Variants in ELP4 observed in about 807,000 individuals in gnomAD.
The protein encoded by ELP4 is elongator complex protein 4.
In ELP4, 51 loss-of-function variants were observed where a neutral mutation model predicts 48.9. The ratio of observed to expected loss-of-function variants is 1.04; its 90% confidence interval spans 0.83 to 1.32. The LOEUF is 1.32. Ranked by LOEUF, ELP4 falls within the 40% of genes most tolerant of loss-of-function variation. ELP4 has a pLI of 0.00. For missense variants in ELP4, 519 were observed against 514.6 expected (o/e 1.01, Z -0.08); for synonymous variants, 210 against 189.2 (o/e 1.11, Z -0.90).
chr11:31,558,826 T>TG (rs1418873138), intron 3 of ELP4, among the ~76,000 whole-genome samples: 1 of 152,178 alleles, frequency 6.6e-6, no homozygotes, highest in African/African-American at 2.4e-5. Flanking sequence ...ATGATTATTG[T>TG]TATGTTCAAA....
intron 9 of ELP4, among the ~76,000 whole-genome samples, chr11:31,747,571 T>A (rs1407530908): frequency 6.6e-6 from 1 of 152,216 alleles, no homozygotes; most frequent in Non-Finnish European, 1.5e-5. Context: ...TATATAAAAT[T>A]CACTTTGGGC....
intron 3 of ELP4, among the ~76,000 whole-genome samples, chr11:31,593,875 TATATC>T (rs1957629484): frequency 6.6e-6 from 1 of 152,174 alleles, no homozygotes. Context: ...GTGAGTAAAA[TATATC>T]ATATTAACAG....
At chr11:31,555,534 T>C (rs1245472266) in intron 3 of ELP4, among the ~76,000 whole-genome samples, 2 of 151,920 alleles carry the variant, frequency 1.3e-5, no homozygotes, top group African/African-American at 4.8e-5. Flanking sequence ...AAGAATAATA[T>C]GCCATTCTCA....
At chr11:31,698,996 C>T (rs901675749) in intron 9 of ELP4, among the ~76,000 whole-genome samples, 1 of 152,122 alleles carries the variant, frequency 6.6e-6, no homozygotes, top group South Asian at 2.1e-4. Context: ...CATGATTATA[C>T]ACCATGCACA....
intron 3 of ELP4, among the ~76,000 whole-genome samples, chr11:31,570,440 T>C (rs1489364974): frequency 6.6e-6 from 1 of 151,482 alleles, no homozygotes; most frequent in African/African-American, 2.4e-5. Context: ...CAATTGTACT[T>C]CAGACCCCAG....
chr11:31,717,522 G>C (rs1429389199), intron 9 of ELP4, among the ~76,000 whole-genome samples: 1 of 152,182 alleles, frequency 6.6e-6, no homozygotes, highest in Non-Finnish European at 1.5e-5. Flanking sequence ...TTGGGAGGCT[G>C]AAGTGGGCGG....
rs927200376 is a variant in ELP4, at chr11:31,751,539, GA to G, written c.1144-31847del. Among the ~76,000 whole-genome samples the G allele has an allele frequency of 2.0e-5, 3 of 151,844 alleles. No individual in the cohort carries two copies. In the East Asian group the frequency reaches 5.8e-4, roughly 29 times the overall value. Reference sequence around the variant, plus strand: ...AGAAAGGCTGAACTGGGAAGATGAGGAAAAAAACAGCATACTCAGAGTTTGA... The same window carrying G: ...AGAAAGGCTGAACTGGGAAGATGAGGAAAAAACAGCATACTCAGAGTTTGA... On this transcript the variant is annotated intron_variant, in intron 9 of 9. Transcript: ENST00000640961.
At chr11:31,612,763 G>A (rs1482842348) in intron 5 of ELP4, among the ~76,000 whole-genome samples, 2 of 152,120 alleles carry the variant, frequency 1.3e-5, no homozygotes, top group African/African-American at 2.4e-5. Flanking sequence ...CAGGTGCAGA[G>A]TCTTCAGTTA....
At chr11:31,654,856 A>G (rs892050431) in intron 9 of ELP4, 5 of 151,864 alleles carry the variant, frequency 3.3e-5, no homozygotes, top group Non-Finnish European at 5.9e-5. Flanking sequence ...TTGTCAACTC[A>G]CAATTATGTT....
At chr11:31,727,977 A>T (rs1947111180) in intron 9 of ELP4, 1 of 152,170 alleles carries the variant, frequency 6.6e-6, no homozygotes, top group Non-Finnish European at 1.5e-5. Flanking sequence ...CAATTTAAAG[A>T]GGCTCATCTA....
chr11:31,702,204 G>A (rs998468629), intron 9 of ELP4, among the ~76,000 whole-genome samples: 1 of 152,084 alleles, frequency 6.6e-6, no homozygotes, highest in Admixed American at 6.6e-5. Flanking sequence ...TCAGGAGACT[G>A]AGGCAGGAGG....
intron 2 of ELP4, among the ~76,000 whole-genome samples, chr11:31,521,973 A>G (rs1956220891): frequency 6.6e-6 from 1 of 152,164 alleles, no homozygotes; most frequent in African/African-American, 2.4e-5. Context: ...ACTTACATCA[A>G]TACAATATAA....
intron 3 of ELP4, among the ~76,000 whole-genome samples, chr11:31,544,192 C>T (rs1189832906): frequency 2.0e-5 from 3 of 152,234 alleles, no homozygotes; most frequent in East Asian, 1.9e-4. Flanking sequence ...CGAAGCAGGG[C>T]GAGGCATTGC....
At position 31,629,723 on chromosome 11, in the gene ELP4, C is replaced by G. The variant is rs149115362; in HGVS notation, c.739-2494C>G. On this transcript the variant is annotated intron_variant, in intron 6 of 9. Coordinates refer to ENST00000640961, the MANE Select transcript of ELP4 (RefSeq NM_019040.5). ...ATGTTAACAGAGAAAACAATATTAT[C>G]CTGCTCTCCTTTTACCTTTGCGTTT... 7.5e-4 allele frequency among the ~76,000 whole-genome samples: 113 copies of G among 150,990 alleles called. 1 individual carries two copies. The highest frequency in any genetic ancestry group is 2.4e-3 in the African/African-American group (101 of 41,234).
At chr11:31,520,923 C>A (rs1290261048) in intron 2 of ELP4, among the ~76,000 whole-genome samples, 14 of 151,942 alleles carry the variant, frequency 9.2e-5, no homozygotes, top group Admixed American at 9.2e-4. Context: ...CATGCCCCGA[C>A]CTAAATACAG....
chr11:31,764,637 G>A (rs1051760341), intron 9 of ELP4, among the ~76,000 whole-genome samples: 1 of 152,066 alleles, frequency 6.6e-6, no homozygotes, highest in Non-Finnish European at 1.5e-5. Context: ...TAAAAATCCA[G>A]GGCATCATAT....
chr11:31,676,990 G>A (rs1212962699), intron 9 of ELP4, among the ~76,000 whole-genome samples: 6 of 152,082 alleles, frequency 3.9e-5, no homozygotes, highest in Non-Finnish European at 8.8e-5. Context: ...TTCAAATAGT[G>A]ACAAAGGGTA....
intron 9 of ELP4, among the ~76,000 whole-genome samples, chr11:31,697,328 G>C (rs144279993): frequency 6.6e-6 from 1 of 152,094 alleles, no homozygotes; most frequent in East Asian, 1.9e-4. Flanking sequence ...TACATTTCTT[G>C]TATTATAATT....
intron 9 of ELP4, among the ~76,000 whole-genome samples, chr11:31,755,001 T>G (rs1053017336): frequency 2.0e-5 from 3 of 152,138 alleles, no homozygotes; most frequent in Non-Finnish European, 4.4e-5. Context: ...AGTGTTTGAT[T>G]GCTGGATTCC....
Sources: allele counts gnomAD v4.1 joint callset (sites outside exome capture counted in the v4.1 genomes callset), GRCh38; gene constraint gnomAD v4.1.1; transcripts MANE v1.5; gene names NCBI Gene and HGNC (gene_info 2026-07-23, HGNC 2026-07-21).